The following ERBB4 variants were observed in gnomAD, a reference collection of about 807,000 sequenced individuals.
ERBB4 encodes the protein erb-b2 receptor tyrosine kinase 4.
ERBB4 carries 42 observed loss-of-function variants against 158.0 expected under a neutral mutation model. The observed-to-expected ratio is 0.27, with a 90% CI of 0.21 to 0.34. ERBB4 has a LOEUF of 0.34. Among genes scored for constraint, ERBB4 ranks in the 10% least tolerant of loss-of-function variants. The probability of loss-of-function intolerance (pLI) is 1.00; values close to 1 mark genes in which losing one functional copy is unlikely to be tolerated. For missense variants in ERBB4, 1,333 were observed against 1,624.1 expected (o/e 0.82, Z 3.08); for synonymous variants, 583 against 558.7 (o/e 1.04, Z -0.61).
intron 20 of ERBB4, among the ~76,000 whole-genome samples, chr2:211,470,119 G>A (rs559375748): frequency 7.9e-5 from 12 of 151,944 alleles, no homozygotes; most frequent in African/African-American, 2.2e-4. Context: ...AAAAAAAAGG[G>A]CTTCACTCCT....
intron 12 of ERBB4, among the ~76,000 whole-genome samples, chr2:211,687,358 T>C (rs1225715480): frequency 6.6e-6 from 1 of 151,366 alleles, no homozygotes; most frequent in Non-Finnish European, 1.5e-5. Flanking sequence ...TCCCACAATA[T>C]TGCCTAGTAT....
intron 2 of ERBB4, among the ~76,000 whole-genome samples, chr2:212,011,728 C>T (rs1164848312): frequency 1.3e-5 from 2 of 148,150 alleles, no homozygotes; most frequent in Non-Finnish European, 3.0e-5. Flanking sequence ...CCAGCCTGGG[C>T]AAGACAGCGA....
chr2:212,337,331 A>G (rs2088490087), intron 1 of ERBB4, among the ~76,000 whole-genome samples: 1 of 152,126 alleles, frequency 6.6e-6, no homozygotes. Context: ...TACTCAGGAC[A>G]TAATGAACAA....
intron 2 of ERBB4, among the ~76,000 whole-genome samples, chr2:212,018,523 CATT>C (rs2076576863): frequency 6.6e-6 from 1 of 152,168 alleles, no homozygotes; most frequent in African/African-American, 2.4e-5. Context: ...AGGAACTAAA[CATT>C]AATGTCTAGT....
At position 212,124,833 on chromosome 2, in the gene ERBB4, C is replaced by T. The variant is rs565068265; in HGVS notation, c.153G>A (p.Lys51=). 231 of 1,614,210 alleles carry T rather than the reference C, an allele frequency of 1.4e-4. 4 individuals carry two copies. The South Asian group carries it at 2.4e-3, about 17-fold the overall frequency. The change falls in exon 2 of 28, where the codon AAG becomes AAA. Residue 51 remains lysine, a synonymous_variant. Coordinates refer to ENST00000342788, the MANE Select transcript of ERBB4 (RefSeq NM_005235.3). ...TGACAACCTCACAGTTTTCATAGTACTTGCGCAAGGCTCGGTACTGCTGTT... is the reference window on the plus strand; with the variant it reads ...TGACAACCTCACAGTTTTCATAGTATTTGCGCAAGGCTCGGTACTGCTGTT... The part of the protein sequence containing the change: ...DLEQQYRALR[K]YYENCEVVMG...
rs545646944 is a variant in ERBB4 at position 212,336,416 on chromosome 2, T to G, written c.82+202033A>C. Among the ~76,000 whole-genome samples the G allele has an allele frequency of 3.3e-5, 5 of 152,158 alleles. No individual in the cohort carries two copies. In the South Asian group the frequency reaches 1.0e-3, roughly 32 times the overall value. On this transcript the variant is annotated intron_variant, in intron 1 of 27. Coordinates refer to ENST00000342788, the MANE Select transcript of ERBB4 (RefSeq NM_005235.3). Reference sequence around the variant, plus strand: ...TAGCATTTACATGAGTTCTATATTTTTCTTCCAGAAACAAAACTCTGCCAA... The same window carrying G: ...TAGCATTTACATGAGTTCTATATTTGTCTTCCAGAAACAAAACTCTGCCAA...
chr2:212,333,985 T>G (rs906710635), intron 1 of ERBB4, among the ~76,000 whole-genome samples: 4 of 152,060 alleles, frequency 2.6e-5, no homozygotes, highest in African/African-American at 9.7e-5. Flanking sequence ...GGAGGCTCAA[T>G]GCAAAAATTA....
At position 212,408,383 on chromosome 2, in the gene ERBB4, G is replaced by A. The variant is rs77909643; in HGVS notation, c.82+130066C>T. On this transcript the variant is annotated intron_variant, in intron 1 of 27. Transcript: ENST00000342788. The stretch of plus-strand genomic sequence containing the variant: ...TACGTTAAGTTTCCTGAGGATAATG[G>A]CTATTATTTTATACTCCAAAATTTT... 9.8e-3 allele frequency among the ~76,000 whole-genome samples: 1,495 copies of A among 152,128 alleles called. 23 individuals carry two copies. Among genetic ancestry groups the A allele is most frequent in the African/African-American group, 0.035 (1,434 of 41,502 alleles).
intron 1 of ERBB4, among the ~76,000 whole-genome samples, chr2:212,360,177 A>T (rs1010050936): frequency 6.6e-6 from 1 of 150,962 alleles, no homozygotes; most frequent in Non-Finnish European, 1.5e-5. Flanking sequence ...ATGACCTACT[A>T]TTCTTTACAT....
intron 1 of ERBB4, among the ~76,000 whole-genome samples, chr2:212,344,958 G>A (rs1382098648): frequency 6.6e-6 from 1 of 151,992 alleles, no homozygotes; most frequent in East Asian, 1.9e-4. Flanking sequence ...ATAAAATAAT[G>A]TTTATAAAAG....
chr2:211,684,035 C>T (rs950916004), intron 12 of ERBB4, among the ~76,000 whole-genome samples: 2 of 151,990 alleles, frequency 1.3e-5, no homozygotes, highest in South Asian at 2.1e-4. Context: ...AATTAGATTT[C>T]GTTTATTTAT....
At chr2:212,375,547 TA>T (rs1283492089) in intron 1 of ERBB4, among the ~76,000 whole-genome samples, 2 of 152,108 alleles carry the variant, frequency 1.3e-5, no homozygotes, top group African/African-American at 4.8e-5. Context: ...TCTGAGAGTG[TA>T]AATGTGGATT....
chr2:212,132,408 G>A (rs960826132), intron 1 of ERBB4, among the ~76,000 whole-genome samples: 2 of 152,226 alleles, frequency 1.3e-5, no homozygotes, highest in Non-Finnish European at 1.5e-5. Context: ...CCATAAGGGC[G>A]TTTTCACAAA....
At chr2:211,546,414 T>G (rs1443097581) in intron 20 of ERBB4, among the ~76,000 whole-genome samples, 1 of 152,102 alleles carries the variant, frequency 6.6e-6, no homozygotes, top group Non-Finnish European at 1.5e-5. Context: ...TACCCTAAAT[T>G]TTTAAACTTT....
chr2:212,442,617 C>CCTA (rs1238725919), intron 1 of ERBB4, among the ~76,000 whole-genome samples: 2 of 151,760 alleles, frequency 1.3e-5, no homozygotes, highest in Non-Finnish European at 2.9e-5. Context: ...GTCCTACTTA[C>CCTA]AGTGGGTTCA....
At chr2:212,187,448 T>TAAATAA (rs1341006651) in intron 1 of ERBB4, among the ~76,000 whole-genome samples, 103 of 150,522 alleles carry the variant, frequency 6.8e-4, no homozygotes, top group Non-Finnish European at 1.2e-3. Context: ...AATAAATAAA[T>TAAATAA]AAAGATGTTA....
intron 1 of ERBB4, among the ~76,000 whole-genome samples, chr2:212,438,983 C>T (rs1016369187): frequency 9.2e-5 from 14 of 152,062 alleles, no homozygotes; most frequent in Non-Finnish European, 5.9e-5. Flanking sequence ...AGACATGGTG[C>T]GTTTTACAAT....
intron 18 of ERBB4, among the ~76,000 whole-genome samples, chr2:211,622,993 ATATATATATATATATATAT>A (rs2069680845): frequency 4.0e-4 from 3 of 7,428 alleles, no homozygotes; most frequent in African/African-American, 1.5e-3. Context: ...AAAAAAAAAT[ATATATATATATATATATAT>A]ATATATATAT....
intron 20 of ERBB4, among the ~76,000 whole-genome samples, chr2:211,540,765 C>T (rs574666171): frequency 6.6e-6 from 1 of 151,862 alleles, no homozygotes; most frequent in African/African-American, 2.4e-5. Context: ...TTAAGCAGCT[C>T]TCTAATGGTT....
Sources: gnomAD v4.1 joint callset for allele counts (sites outside exome capture counted in the v4.1 genomes callset) on GRCh38, gnomAD v4.1.1 for gene constraint, MANE v1.5 for transcripts, NCBI Gene and HGNC (gene_info 2026-07-23, HGNC 2026-07-21) for gene names.